The following TSNAX variants were observed in gnomAD, a reference collection of about 807,000 sequenced individuals.
TSNAX encodes the protein translin-associated protein X.
Under a neutral mutation model 33.0 loss-of-function variants are expected in TSNAX, and 12 were observed. That is an observed-to-expected ratio of 0.36 (90% CI 0.23 to 0.59). The LOEUF (loss-of-function observed/expected upper bound fraction) is 0.59, where lower values mean the gene tolerates loss of function less well. Among genes scored for constraint, TSNAX ranks in the 20% least tolerant of loss-of-function variants. The probability of loss-of-function intolerance (pLI) is 0.74; values close to 1 mark genes in which losing one functional copy is unlikely to be tolerated. For synonymous variants in TSNAX, 110 were observed against 117.2 expected (o/e 0.94, Z 0.40); for missense variants, 267 against 341.3 (o/e 0.78, Z 1.72).
chr1:231,541,157 A>G (rs1333861416), intron 3 of TSNAX, among the ~76,000 whole-genome samples: 1 of 152,084 alleles, frequency 6.6e-6, no homozygotes, highest in East Asian at 1.9e-4. Flanking sequence ...CTTATTTTGG[A>G]TAATTTTTTA....
At chr1:231,559,203 A>G (rs868069927) in intron 4 of TSNAX, among the ~76,000 whole-genome samples, 1 of 152,216 alleles carries the variant, frequency 6.6e-6, no homozygotes, top group African/African-American at 2.4e-5. Context: ...TTTTACAACA[A>G]ACCTTTAAAA....
chr1:231,553,314 C>A (rs976994312), intron 4 of TSNAX, among the ~76,000 whole-genome samples: 3 of 152,036 alleles, frequency 2.0e-5, no homozygotes, highest in Non-Finnish European at 4.4e-5. Context: ...TAATCAGAAG[C>A]CTTTAACTGG....
intron 3 of TSNAX, among the ~76,000 whole-genome samples, chr1:231,540,173 CAAAAAAA>C (rs10714707): frequency 2.8e-5 from 2 of 70,428 alleles, no homozygotes; most frequent in Admixed American, 1.5e-4. Context: ...GACTCTGTCT[CAAAAAAA>C]AAAAAAAAAA....
intron 4 of TSNAX, among the ~76,000 whole-genome samples, chr1:231,550,602 CT>C (rs1356692025): frequency 1.3e-5 from 2 of 152,118 alleles, no homozygotes; most frequent in African/African-American, 4.8e-5. Context: ...GGAAGGGAGC[CT>C]TATTGATAAC....
At chr1:231,560,001 G>A (rs1238930411) in intron 4 of TSNAX, among the ~76,000 whole-genome samples, 1 of 144,308 alleles carries the variant, frequency 6.9e-6, no homozygotes, top group African/African-American at 2.6e-5. Flanking sequence ...TTTTTTTTGC[G>A]ACGAGTCTCG....
chr1:231,564,494 TGTGTGTTTTTG>T, intron 5 of TSNAX, 23 bp from the exon 6 acceptor site: 3 of 1,589,480 alleles, frequency 1.9e-6, no homozygotes, highest in Non-Finnish European at 2.6e-6. Flanking sequence ...TGTGTGTGTG[TGTGTGTTTTTG>T]TTTTGTTTTG....
intron 3 of TSNAX, among the ~76,000 whole-genome samples, chr1:231,542,118 T>C (rs1179276862): frequency 6.6e-6 from 1 of 152,200 alleles, no homozygotes; most frequent in Non-Finnish European, 1.5e-5. Context: ...ATGCTGCCTG[T>C]AGTCCAGTGT....
intron 4 of TSNAX, among the ~76,000 whole-genome samples, chr1:231,555,165 C>T (rs758520473): frequency 3.3e-5 from 5 of 152,172 alleles, no homozygotes; most frequent in Admixed American, 6.5e-5. Flanking sequence ...TCAGTTGTCT[C>T]TCTATAGATG....
chr1:231,537,143 A>G (rs1558121871), intron 2 of TSNAX, 70 bp from the exon 3 acceptor site: 3 of 1,234,424 alleles, frequency 2.4e-6, no homozygotes, highest in Non-Finnish European at 3.5e-6. Flanking sequence ...TGTGACGTAC[A>G]TCTTAAAAAT....
intron 2 of TSNAX, 62 bp from the exon 3 acceptor site, chr1:231,537,151 A>T: frequency 7.5e-7 from 1 of 1,329,490 alleles, no homozygotes; most frequent in Admixed American, 2.0e-5. Context: ...ACATCTTAAA[A>T]ATATTGTTTG....
intron 4 of TSNAX, among the ~76,000 whole-genome samples, chr1:231,547,551 C>T (rs926031282): frequency 4.6e-5 from 7 of 151,412 alleles, no homozygotes; most frequent in Non-Finnish European, 5.9e-5. Context: ...CCACCATGCC[C>T]AGCTAATTTT....
In TSNAX at chr1:231,528,735, C is replaced by G; in HGVS notation, c.-76C>G. 1.9e-6 allele frequency: 3 copies of G among 1,587,520 alleles called. No homozygotes were observed. The highest frequency in any genetic ancestry group is 1.1e-5 in the South Asian group (1 of 90,220). ...TCTGCAGGCTGTTTTCCCAGGTTCCCTCGGCCTGTACCTCGCGCACTCCTC... is the reference window on the plus strand; with the variant it reads ...TCTGCAGGCTGTTTTCCCAGGTTCCGTCGGCCTGTACCTCGCGCACTCCTC... On this transcript the variant is annotated 5_prime_UTR_variant, in exon 1 of 6. Transcript: ENST00000366639.
chr1:231,529,613 CACAT>C (rs753824288), intron 2 of TSNAX, among the ~76,000 whole-genome samples: 1 of 152,168 alleles, frequency 6.6e-6, no homozygotes, highest in Non-Finnish European at 1.5e-5. Context: ...TTTGACATGT[CACAT>C]ACTCAAGAAT....
At chr1:231,559,123 T>C (rs889098315) in intron 4 of TSNAX, among the ~76,000 whole-genome samples, 2 of 152,292 alleles carry the variant, frequency 1.3e-5, no homozygotes, top group South Asian at 4.1e-4. Flanking sequence ...ATAAAAAATG[T>C]TAGAGAACTT....
chr1:231,531,964 G>A (rs1038858566), intron 2 of TSNAX, among the ~76,000 whole-genome samples: 1 of 151,798 alleles, frequency 6.6e-6, no homozygotes, highest in Non-Finnish European at 1.5e-5. Flanking sequence ...TGGCTACTCC[G>A]GAGGGGCTGG....
chr1:231,561,274 T>C lies in TSNAX; in HGVS notation c.495+19T>C. On this transcript the variant is annotated intron_variant, in intron 5 of 5. Coordinates refer to ENST00000366639, the MANE Select transcript of TSNAX (RefSeq NM_005999.3). ...TAAAACTGTGAGAATTTAAAATTTA[T>C]TTCACATTTGTTATATAATTTATGT... 1 of 1,471,838 alleles carries C rather than the reference T, an allele frequency of 6.8e-7. No homozygotes were observed. Among genetic ancestry groups the C allele is most frequent in the South Asian group, 1.2e-5 (1 of 82,680 alleles). 91.2% of individuals were successfully genotyped at this position (1,471,838 alleles called of 1,614,324 possible).
intron 5 of TSNAX, 39 bp from the exon 6 acceptor site, chr1:231,564,481 TTGTGTGTG>T (rs375928396): frequency 2.6e-6 from 4 of 1,522,642 alleles, no homozygotes; most frequent in Middle Eastern, 1.8e-4. Flanking sequence ...GTGTTCTTTC[TTGTGTGTG>T]TGTGTGTGTG....
chr1:231,552,770 C>G (rs1383719619), intron 4 of TSNAX, among the ~76,000 whole-genome samples: 1 of 152,160 alleles, frequency 6.6e-6, no homozygotes, highest in Non-Finnish European at 1.5e-5. Context: ...CAGGGTTAGC[C>G]CCTGGTCACC....
rs544275046 is a variant in TSNAX at position 231,561,607 on chromosome 1, A to T, written c.495+352A>T. Reference sequence around the variant, plus strand: ...TGGTAAGCATTATTACTCTCATTTTACAGAGAAAGAAACAGACTTTTAGAG... The same window carrying T: ...TGGTAAGCATTATTACTCTCATTTTTCAGAGAAAGAAACAGACTTTTAGAG... On this transcript the variant is annotated intron_variant, in intron 5 of 5. Coordinates refer to ENST00000366639, the MANE Select transcript of TSNAX (RefSeq NM_005999.3). 4.6e-5 allele frequency among the ~76,000 whole-genome samples: 7 copies of T among 152,280 alleles called. 1 individual carries two copies. Among genetic ancestry groups the T allele is most frequent in the Admixed American group, 1.3e-4 (2 of 15,284 alleles).
Sources: allele counts gnomAD v4.1 joint callset (sites outside exome capture counted in the v4.1 genomes callset), GRCh38; gene constraint gnomAD v4.1.1; transcripts MANE v1.5; gene names NCBI Gene and HGNC (gene_info 2026-07-23, HGNC 2026-07-21).